Variants in AGO3 observed in about 807,000 individuals in gnomAD.
AGO3 encodes the protein argonaute RISC catalytic component 3, also known as protein argonaute-3.
A neutral mutation model predicts 105.5 loss-of-function variants in AGO3; 16 were observed. That is an observed-to-expected ratio of 0.15 (90% CI 0.10 to 0.23). The LOEUF (loss-of-function observed/expected upper bound fraction) is 0.23. Ranked by LOEUF, AGO3 falls within the 10% of genes least tolerant of loss-of-function variation. The pLI, the probability that AGO3 is intolerant of heterozygous loss-of-function variation, is 1.00. For missense variants in AGO3, 534 were observed against 1,088.0 expected (o/e 0.49, Z 7.16); for synonymous variants, 340 against 367.3 (o/e 0.93, Z 0.85).
chr1:35,986,427 G>A (rs1488906245), intron 5 of AGO3, among the ~76,000 whole-genome samples: 1 of 152,198 alleles, frequency 6.6e-6, no homozygotes, highest in East Asian at 1.9e-4. Context: ...CATGGCTCAT[G>A]CCTATAATCC....
chr1:35,930,940 G>T, upstream of AGO3: 1 of 295,894 alleles, frequency 3.4e-6, no homozygotes, highest in Non-Finnish European at 6.2e-6. Flanking sequence ...GGCCGAGCCC[G>T]CCGCATGTGG....
chr1:35,965,443 T>A (rs1646754556), intron 2 of AGO3, among the ~76,000 whole-genome samples: 2 of 137,686 alleles, frequency 1.5e-5, no homozygotes, highest in African/African-American at 5.5e-5. Flanking sequence ...TGAGCCGAGA[T>A]CGCACCACTG....
Position 36,004,449 on chromosome 1 carries a change from G to T in AGO3, c.767G>T (p.Arg256Leu). Reference protein sequence around the residue: ...EQPRPLTDSHRVKFTKEIKGL... With the variant: ...EQPRPLTDSHLVKFTKEIKGL... ...CCAAGACCTCTGACTGATTCTCATCGGGTAAAATTCACCAAAGAGATAAAA... is the reference window on the plus strand; with the variant it reads ...CCAAGACCTCTGACTGATTCTCATCTGGTAAAATTCACCAAAGAGATAAAA... The change falls in exon 6 of 19, where the codon CGG (arginine) becomes CTG (leucine). Residue 256 changes from arginine to leucine, a missense_variant. Transcript: ENST00000373191. 1 of 1,600,026 alleles carries T rather than the reference G, an allele frequency of 6.2e-7. No individual in the cohort carries two copies.
At position 36,055,931 on chromosome 1, in the gene AGO3, T is replaced by C; in HGVS notation, c.*186T>C. On this transcript the variant is annotated 3_prime_UTR_variant, in exon 19 of 19. Transcript: ENST00000373191. This position sits in a 1 kb window ranked among gnomAD's most constrained non-coding sequence, Gnocchi z 4.4. ...GTTTACTTCATCAAGGAACACAGCA[T>C]CATTATGCAATATGAAACCAGCCAA... 1.8e-6 allele frequency: 1 copy of C among 545,594 alleles called. No homozygotes were observed. Among genetic ancestry groups the C allele is most frequent in the South Asian group, 2.7e-5 (1 of 37,286 alleles). The allele number at this position is 545,594 out of a possible 1,614,324, so 33.8% of individuals were successfully genotyped here.
chr1:35,944,574 C>CAA (rs964800188), intron 1 of AGO3, among the ~76,000 whole-genome samples: 1 of 113,878 alleles, frequency 8.8e-6, no homozygotes, highest in Non-Finnish European at 1.7e-5. Context: ...TTTGGTAAGA[C>CAA]AGAGCCTCAC....
intron 5 of AGO3, among the ~76,000 whole-genome samples, chr1:35,981,293 C>G (rs1260041126): frequency 1.3e-5 from 2 of 152,184 alleles, no homozygotes; most frequent in East Asian, 3.9e-4. Flanking sequence ...ATGAGTTTCC[C>G]AAACCATCTG....
At chr1:36,052,819 C>T (rs1175971275) in intron 17 of AGO3, among the ~76,000 whole-genome samples, 4 of 152,020 alleles carry the variant, frequency 2.6e-5, no homozygotes, top group Non-Finnish European at 5.9e-5. Context: ...GGAGACCAGT[C>T]TGGGCAACAT....
chr1:35,995,199 T>TA (rs1295296314), intron 5 of AGO3, among the ~76,000 whole-genome samples: 2,101 of 110,554 alleles, frequency 0.019, 33 homozygotes, highest in African/African-American at 0.03. Flanking sequence ...AGACACTGTC[T>TA]AAAAAAAAAA....
chr1:35,979,225 G>A (rs1345279906), intron 5 of AGO3, among the ~76,000 whole-genome samples: 5 of 152,048 alleles, frequency 3.3e-5, no homozygotes, highest in African/African-American at 4.8e-5. Flanking sequence ...TTAGCCGGGC[G>A]TGGTGGCGGG....
chr1:35,961,835 A>C (rs552069736), intron 2 of AGO3, among the ~76,000 whole-genome samples: 1 of 152,340 alleles, frequency 6.6e-6, no homozygotes, highest in South Asian at 2.1e-4. Flanking sequence ...AGGAAGCTAC[A>C]TCATACTGTT....
intron 12 of AGO3, among the ~76,000 whole-genome samples, chr1:36,031,043 C>A (rs1243393595): frequency 6.6e-6 from 1 of 152,128 alleles, no homozygotes; most frequent in Non-Finnish European, 1.5e-5. Context: ...CTATAACTAC[C>A]CAATACACTG....
chr1:35,974,149 T>C (rs942646988), intron 5 of AGO3, among the ~76,000 whole-genome samples: 1 of 152,216 alleles, frequency 6.6e-6, no homozygotes, highest in African/African-American at 2.4e-5. Context: ...TATTTTCTTA[T>C]AGCAGCAATG....
intron 5 of AGO3, among the ~76,000 whole-genome samples, chr1:35,983,690 A>G (rs988736865): frequency 6.6e-6 from 1 of 152,188 alleles, no homozygotes; most frequent in Admixed American, 6.5e-5. Context: ...GACTGCCATA[A>G]TGTAAACTGG....
At chr1:36,051,804 AT>A (rs1642726850) in intron 17 of AGO3, among the ~76,000 whole-genome samples, 1 of 152,238 alleles carries the variant, frequency 6.6e-6, no homozygotes, top group Non-Finnish European at 1.5e-5. Context: ...CAAGAGAGTA[AT>A]TGAGACGATC....
rs1643019662 is a variant in AGO3, at chr1:36,060,943, T to A, written c.*5198T>A. 6.6e-6 allele frequency: 1 copy of A among 152,178 alleles called. No individual in the cohort carries two copies. Among genetic ancestry groups the A allele is most frequent in the Admixed American group, 6.6e-5 (1 of 15,266 alleles). 9.4% of individuals were successfully genotyped at this position (152,178 alleles called of 1,614,324 possible). On this transcript the variant is annotated 3_prime_UTR_variant, in exon 19 of 19. Coordinates refer to ENST00000373191, the MANE Select transcript of AGO3 (RefSeq NM_024852.4). Reference sequence around the variant, plus strand: ...TAACCCTAATTTAGAACTCTTGTTTTCCTATTTCAGTCCTCATATTTGATC... The same window carrying A: ...TAACCCTAATTTAGAACTCTTGTTTACCTATTTCAGTCCTCATATTTGATC...
intron 5 of AGO3, chr1:35,992,038 A>T (rs1268981534): frequency 6.6e-6 from 1 of 152,132 alleles, no homozygotes; most frequent in South Asian, 2.1e-4. Context: ...GGAATCTACA[A>T]TGTTAGGATC....
chr1:35,996,686 G>T lies in AGO3; in HGVS notation c.659-7655G>T, dbSNP rs560222339. Reference sequence around the variant, plus strand: ...CTCAGGAAGCTGAGGCAGGAGAATTGCTTGAACCCAGGCAGCAGAGGTTGC... The same window carrying T: ...CTCAGGAAGCTGAGGCAGGAGAATTTCTTGAACCCAGGCAGCAGAGGTTGC... On this transcript the variant is annotated intron_variant, in intron 5 of 18. Transcript: ENST00000373191. Among the ~76,000 whole-genome samples the T allele has an allele frequency of 1.2e-4, 18 of 151,476 alleles. 1 individual carries two copies. Among genetic ancestry groups the T allele is most frequent in the Admixed American group, 7.2e-4 (11 of 15,186 alleles).
chr1:36,027,406 C>T lies in AGO3; in HGVS notation c.1591+108C>T. 1.8e-6 allele frequency: 2 copies of T among 1,091,082 alleles called. No individual in the cohort carries two copies. Among genetic ancestry groups the T allele is most frequent in the Admixed American group, 3.0e-5 (1 of 33,096 alleles). The allele number at this position is 1,091,082 out of a possible 1,614,324, so 67.6% of individuals were successfully genotyped here. A position where few individuals can be genotyped will look rare whatever the true frequency, so the allele number is the denominator to read the frequency against. On this transcript the variant is annotated intron_variant, in intron 12 of 18. Transcript: ENST00000373191. The surrounding 1 kb of genome is among the most constrained non-coding windows in gnomAD (Gnocchi z 4.0). ...AAATATTAAAATATATTTTATGATACAGTATTTAAAACCATGTATTATTAC... is the reference window on the plus strand; with the variant it reads ...AAATATTAAAATATATTTTATGATATAGTATTTAAAACCATGTATTATTAC...
chr1:35,956,664 G>A (rs1406053859), intron 2 of AGO3, among the ~76,000 whole-genome samples: 1 of 150,386 alleles, frequency 6.6e-6, no homozygotes, highest in Admixed American at 6.6e-5. Flanking sequence ...TTTTGGAGAG[G>A]GAGTCTCGCT....
Sources: allele counts gnomAD v4.1 joint callset (sites outside exome capture counted in the v4.1 genomes callset), GRCh38; gene constraint gnomAD v4.1.1; non-coding constraint Gnocchi (gnomAD v3.1); transcripts MANE v1.5; gene names NCBI Gene and HGNC (gene_info 2026-07-23, HGNC 2026-07-21).